PKNOX2: variants seen among roughly 807,000 people sequenced by gnomAD.
PKNOX2 encodes the protein PBX/knotted 1 homeobox 2.
Under a neutral mutation model 53.1 loss-of-function variants are expected in PKNOX2, and 14 were observed. That is an observed-to-expected ratio of 0.26 (90% CI 0.17 to 0.41). PKNOX2 has a LOEUF of 0.41. PKNOX2 is among the 10% of genes least tolerant of loss of function. The pLI is 1.00. For missense variants in PKNOX2, 496 were observed against 602.8 expected (o/e 0.82, Z 1.85); for synonymous variants, 257 against 242.8 (o/e 1.06, Z -0.54).
At chr11:125,334,073 G>C (rs1257061054) in intron 3 of PKNOX2, among the ~76,000 whole-genome samples, 1 of 152,140 alleles carries the variant, frequency 6.6e-6, no homozygotes, top group Non-Finnish European at 1.5e-5. Context: ...AGTGTCTGAG[G>C]GGTGGCAAGA....
chr11:125,228,351 C>T (rs147245338), intron 1 of PKNOX2, among the ~76,000 whole-genome samples: 17 of 152,246 alleles, frequency 1.1e-4, no homozygotes, highest in African/African-American at 3.9e-4. Context: ...CACCATGCAG[C>T]TATAGAGGAT....
At chr11:125,346,555 G>A (rs990247678) in intron 3 of PKNOX2, among the ~76,000 whole-genome samples, 1 of 152,202 alleles carries the variant, frequency 6.6e-6, no homozygotes, top group African/African-American at 2.4e-5. Flanking sequence ...CTGAGGGGTG[G>A]CCCTGTGAAT....
chr11:125,382,111 CAT>C (rs1412633629), intron 5 of PKNOX2, among the ~76,000 whole-genome samples: 1 of 152,230 alleles, frequency 6.6e-6, no homozygotes, highest in Admixed American at 6.5e-5. Context: ...CACATACACA[CAT>C]ATTGCATACA....
chr11:125,383,633 A>G (rs1477825842), intron 5 of PKNOX2, among the ~76,000 whole-genome samples: 1 of 151,760 alleles, frequency 6.6e-6, no homozygotes, highest in Non-Finnish European at 1.5e-5. Flanking sequence ...ACAAACAAAG[A>G]CTTACTGTTT....
At chr11:125,360,931 C>T (rs930257897) in intron 4 of PKNOX2, among the ~76,000 whole-genome samples, 2 of 152,282 alleles carry the variant, frequency 1.3e-5, no homozygotes, top group Middle Eastern at 3.4e-3. Context: ...CAGGAGAGAG[C>T]CAAATACAAA....
intron 5 of PKNOX2, among the ~76,000 whole-genome samples, chr11:125,380,408 G>T (rs996779809): frequency 2.0e-5 from 3 of 152,130 alleles, no homozygotes; most frequent in Non-Finnish European, 4.4e-5. Context: ...TGGAGGGGGC[G>T]GTCGGGAGGG....
rs1954762864 is a variant in PKNOX2, at chr11:125,165,158, G to A, written c.-201+382G>A. Among the ~76,000 whole-genome samples the A allele has an allele frequency of 6.7e-6, 1 of 148,580 alleles. No homozygotes were observed. Among genetic ancestry groups the A allele is most frequent in the Admixed American group, 6.7e-5 (1 of 14,942 alleles). On this transcript the variant is annotated intron_variant, in intron 1 of 12. Coordinates refer to ENST00000298282, the MANE Select transcript of PKNOX2 (RefSeq NM_001382323.2). This position sits in a 1 kb window ranked among gnomAD's most constrained non-coding sequence, Gnocchi z 4.5. ...GCCAGCGCTCAGCCCCGCCGCCGCC[G>A]CCGCCGCCGCCTCGCCGCGCTTGGG...
intron 5 of PKNOX2, among the ~76,000 whole-genome samples, chr11:125,369,981 T>A (rs1409670211): frequency 1.3e-5 from 2 of 152,136 alleles, no homozygotes; most frequent in Non-Finnish European, 1.5e-5. Flanking sequence ...AAGGACTCAA[T>A]CTGCATTTTC....
In PKNOX2 at chr11:125,166,450, T is replaced by C. The variant is rs917643270; in HGVS notation, c.-201+1674T>C. Reference sequence around the variant, plus strand: ...AGAGCGATTCCGGGAAGCGGACAGATCGAAGAGACCTTCTGGGCGAAGCGG... The same window carrying C: ...AGAGCGATTCCGGGAAGCGGACAGACCGAAGAGACCTTCTGGGCGAAGCGG... On this transcript the variant is annotated intron_variant, in intron 1 of 12. Coordinates refer to ENST00000298282, the MANE Select transcript of PKNOX2 (RefSeq NM_001382323.2). The surrounding 1 kb of genome is among the most constrained non-coding windows in gnomAD (Gnocchi z 4.0). Among the ~76,000 whole-genome samples, 11 of 152,172 alleles carry C rather than the reference T, an allele frequency of 7.2e-5. No individual in the cohort carries two copies. The South Asian group carries it at 1.9e-3, about 26-fold the overall frequency.
chr11:125,350,438 C>T (rs1951233608), intron 3 of PKNOX2, among the ~76,000 whole-genome samples: 1 of 152,052 alleles, frequency 6.6e-6, no homozygotes, highest in African/African-American at 2.4e-5. Context: ...CCCCCGCCCT[C>T]CCATACACAA....
chr11:125,349,837 TCACACACACACACACA>T (rs60332384), intron 3 of PKNOX2, among the ~76,000 whole-genome samples: 4,172 of 138,108 alleles, frequency 0.03, 193 homozygotes, highest in African/African-American at 0.11. Flanking sequence ...ACCAAAAGAA[TCACACACACACACACA>T]CACACACACA....
intron 2 of PKNOX2, among the ~76,000 whole-genome samples, chr11:125,315,797 C>T (rs562591125): frequency 1.8e-4 from 28 of 152,186 alleles, no homozygotes; most frequent in African/African-American, 6.0e-4. Flanking sequence ...GACCACAGTG[C>T]CCCCATGGCC....
At chr11:125,331,381 C>T (rs1950135488) in intron 2 of PKNOX2, among the ~76,000 whole-genome samples, 1 of 151,586 alleles carries the variant, frequency 6.6e-6, no homozygotes, top group African/African-American at 2.4e-5. Flanking sequence ...TCGAAGCCCA[C>T]TGTCATTTGG....
intron 1 of PKNOX2, among the ~76,000 whole-genome samples, chr11:125,171,118 G>A (rs1476150493): frequency 6.6e-6 from 1 of 152,112 alleles, no homozygotes; most frequent in East Asian, 1.9e-4. Context: ...TACTCACATC[G>A]CCATCCCAAA....
At chr11:125,244,144 G>A (rs1943381548) in intron 2 of PKNOX2, among the ~76,000 whole-genome samples, 1 of 152,244 alleles carries the variant, frequency 6.6e-6, no homozygotes, top group Non-Finnish European at 1.5e-5. Context: ...AGAGAGATCA[G>A]TACTGCCTTG....
chr11:125,377,469 G>A (rs1198914845), intron 5 of PKNOX2, among the ~76,000 whole-genome samples: 1 of 152,202 alleles, frequency 6.6e-6, no homozygotes, highest in South Asian at 2.1e-4. Flanking sequence ...GGGAATTCAG[G>A]TGGAAGGAGC....
At chr11:125,167,509 T>C (rs1954978922) in intron 1 of PKNOX2, among the ~76,000 whole-genome samples, 1 of 152,160 alleles carries the variant, frequency 6.6e-6, no homozygotes, top group African/African-American at 2.4e-5. Flanking sequence ...CTCCCCTTTG[T>C]GAGCGGGAAA....
At chr11:125,242,161 G>A (rs1319227111) in intron 2 of PKNOX2, among the ~76,000 whole-genome samples, 2 of 152,166 alleles carry the variant, frequency 1.3e-5, no homozygotes, top group South Asian at 2.1e-4. Flanking sequence ...TTGGTGTGTC[G>A]CTGTCTCATT....
At chr11:125,194,371 G>A (rs537422915) in intron 1 of PKNOX2, among the ~76,000 whole-genome samples, 21 of 152,312 alleles carry the variant, frequency 1.4e-4, no homozygotes, top group African/African-American at 3.8e-4. Flanking sequence ...ATAACACAGC[G>A]AGTCTTTTCA....
Sources: gnomAD v4.1 joint callset for allele counts (sites outside exome capture counted in the v4.1 genomes callset) on GRCh38, gnomAD v4.1.1 for gene constraint, Gnocchi (gnomAD v3.1) non-coding constraint, MANE v1.5 for transcripts, NCBI Gene and HGNC (gene_info 2026-07-23, HGNC 2026-07-21) for gene names.